The following NPHP3 variants were observed in gnomAD, a reference collection of about 807,000 sequenced individuals.
NPHP3 encodes the protein nephrocystin 3.
NPHP3 carries 123 observed loss-of-function variants against 171.9 expected under a neutral mutation model. That is an observed-to-expected ratio of 0.72 (90% CI 0.62 to 0.83). The LOEUF (loss-of-function observed/expected upper bound fraction) is 0.83. Among genes scored for constraint, NPHP3 ranks in the 40% least tolerant of loss-of-function variants. NPHP3 has a pLI of 0.00. For missense variants in NPHP3, 1,506 were observed against 1,591.9 expected, an observed-to-expected ratio of 0.95 and a Z score of 0.92; for synonymous variants, 558 against 579.2, an observed-to-expected ratio of 0.96 and a Z score of 0.52.
At chr3:132,687,031 C>T in intron 22 of NPHP3, 120 bp downstream of exon 22, 1 of 617,632 alleles carries the variant, frequency 1.6e-6, no homozygotes, top group East Asian at 2.9e-5. Flanking sequence ...TTAAGTAGTT[C>T]TCTTCTAAAA....
Position 132,699,337 on chromosome 3 carries a change from A to G in NPHP3, c.1985+16T>C. 1 of 1,552,384 alleles carries G rather than the reference A, an allele frequency of 6.4e-7. No homozygotes were observed. Among genetic ancestry groups the G allele is most frequent in the South Asian group, 1.1e-5 (1 of 89,752 alleles). ...ACATTTCATGTACTCTGAAAGAACT[A>G]AAGTTGGCATCGTACCTCCATGCTG... On this transcript the variant is annotated intron_variant, in intron 13 of 26. Transcript: ENST00000337331.
intron 9 of NPHP3, among the ~76,000 whole-genome samples, chr3:132,701,749 G>A (rs1291849126): frequency 2.0e-5 from 3 of 152,160 alleles, no homozygotes; most frequent in East Asian, 1.9e-4. Flanking sequence ...ATGGCTGGGC[G>A]CGGTGGCTCA....
At chr3:132,692,448 T>C (rs1041339881) in intron 17 of NPHP3, among the ~76,000 whole-genome samples, 2 of 152,242 alleles carry the variant, frequency 1.3e-5, no homozygotes, top group African/African-American at 4.8e-5. Context: ...TGTATTGTGG[T>C]AAGACCACTT....
chr3:132,687,730 T>C (rs1361545880), intron 21 of NPHP3, among the ~76,000 whole-genome samples: 1 of 152,252 alleles, frequency 6.6e-6, no homozygotes, highest in Non-Finnish European at 1.5e-5. Context: ...AATTCCATTA[T>C]GTATCACTTA....
At chr3:132,684,048 T>C (rs1266531196) in intron 24 of NPHP3, among the ~76,000 whole-genome samples, 2 of 152,234 alleles carry the variant, frequency 1.3e-5, no homozygotes, top group Non-Finnish European at 2.9e-5. Context: ...TTTTCTTTTT[T>C]GAGAACAGCT....
rs1939013769 is a variant in NPHP3, at chr3:132,681,084, GA to G, written c.*825del. 6.6e-6 allele frequency: 1 copy of G among 152,138 alleles called. No homozygotes were observed. The highest frequency in any genetic ancestry group is 1.5e-5 in the Non-Finnish European group (1 of 68,026). 9.4% of individuals were successfully genotyped at this position (152,138 alleles called of 1,614,324 possible). A position where few individuals can be genotyped will look rare whatever the true frequency, so the allele number is the denominator to read the frequency against. On this transcript the variant is annotated 3_prime_UTR_variant, in exon 27 of 27. Transcript: ENST00000337331. Reference sequence around the variant, plus strand: ...AATTTTTTAAAGTGCAGCAATCAGGGATTCTTGTGACTAATGTGTTTCACTG... The same window carrying G: ...AATTTTTTAAAGTGCAGCAATCAGGGTTCTTGTGACTAATGTGTTTCACTG...
Position 132,722,119 on chromosome 3 carries a change from C to A in NPHP3, c.237G>T (p.Ser79=). The change falls in exon 1 of 27, where the codon TCG becomes TCT. Residue 79 remains serine, a synonymous_variant. Coordinates refer to ENST00000337331, the MANE Select transcript of NPHP3 (RefSeq NM_153240.5). ...LLGASFKSTG[S]SVPELEYAAA... ...CCGCGTACTCCAGCTCTGGCACCGA[C>A]GAGCCAGTGGACTTGAAGCTGGCCC... is the stretch of plus-strand genomic sequence containing the variant. 6.2e-7 allele frequency: 1 copy of A among 1,603,376 alleles called. No homozygotes were observed. The highest frequency in any genetic ancestry group is 8.5e-7 in the Non-Finnish European group (1 of 1,179,032).
At chr3:132,718,066 C>A (rs777724058) in intron 3 of NPHP3, 31 of 453,404 alleles carry the variant, frequency 6.8e-5, no homozygotes, top group South Asian at 4.8e-4. Context: ...CATTTTTTTT[C>A]CTTAAAAGTT....
chr3:132,694,875 A>G lies in NPHP3; in HGVS notation c.2262T>C (p.Ser754=). The change falls in exon 16 of 27, where the codon TCT becomes TCC. Residue 754 remains serine (S), a synonymous_variant. Coordinates refer to ENST00000337331, the MANE Select transcript of NPHP3 (RefSeq NM_153240.5). The stretch of plus-strand genomic sequence containing the variant: ...CATCATTTGCCATGGACTCCCGGAT[A>G]GAGTGCAGAACAAGTCTATATAATG... The part of the protein sequence containing the change: ...TLSLYRLVLH[S]IRESMANDVD... The G allele has an allele frequency of 6.2e-7, 1 of 1,613,862 alleles. No individual in the cohort carries two copies. Among genetic ancestry groups the G allele is most frequent in the East Asian group, 2.2e-5 (1 of 44,840 alleles).
chr3:132,705,853 A>G, intron 7 of NPHP3, 39 bp from the exon 8 acceptor site: 1 of 1,100,936 alleles, frequency 9.1e-7, no homozygotes, highest in East Asian at 2.4e-5. Context: ...GAAAAACCAT[A>G]ATATCAGAAG....
Position 132,692,374 on chromosome 3 carries a change from T to C in NPHP3, c.2475+280A>G, listed in dbSNP as rs80257489. Among the ~76,000 whole-genome samples the C allele has an allele frequency of 4.6e-3, 706 of 152,350 alleles. 4 individuals carry two copies. Among genetic ancestry groups the C allele is most frequent in the African/African-American group, 0.016 (680 of 41,574 alleles). ...AAAGACTTTTTTTCTCTTCAAGAAA[T>C]AAACTACCTTTAAGAAACTTTTTTT... is the stretch of plus-strand genomic sequence containing the variant. On this transcript the variant is annotated intron_variant, in intron 17 of 26. Transcript: ENST00000337331.
Position 132,722,129 on chromosome 3 carries a change from G to A in NPHP3, c.227C>T (p.Ser76Phe). The A allele has an allele frequency of 6.2e-7, 1 of 1,604,106 alleles. No individual in the cohort carries two copies. Among genetic ancestry groups the A allele is most frequent in the Non-Finnish European group, 8.5e-7 (1 of 1,178,730 alleles). ...AGGLLGASFKSTGSSVPELEY... is the reference protein window; with the variant it reads ...AGGLLGASFKFTGSSVPELEY... ...CAGCTCTGGCACCGACGAGCCAGTG[G>A]ACTTGAAGCTGGCCCCCAGCAGCCC... Residue 76 changes from serine to phenylalanine, a missense_variant, in exon 1 of 27, where the codon TCC becomes TTC. This residue lies in a region of NPHP3 where 930 missense variants were observed against 924.9 expected (regional missense o/e 1.01). Coordinates refer to ENST00000337331, the MANE Select transcript of NPHP3 (RefSeq NM_153240.5).
intron 25 of NPHP3, 72 bp from the exon 26 acceptor site, chr3:132,682,890 C>G (rs1325126907): frequency 2.2e-6 from 2 of 912,458 alleles, no homozygotes; most frequent in Non-Finnish European, 3.7e-6. Context: ...CTAAGCTAAC[C>G]TACTTTGATT....
At chr3:132,690,431 G>T in intron 19 of NPHP3, 97 bp downstream of exon 19, 1 of 1,162,500 alleles carries the variant, frequency 8.6e-7, no homozygotes, top group South Asian at 1.3e-5. Context: ...CAGATACTTA[G>T]ACTAATTTTT....
chr3:132,706,909 T>G (rs1476009680), intron 7 of NPHP3, among the ~76,000 whole-genome samples: 1 of 152,230 alleles, frequency 6.6e-6, no homozygotes, highest in Admixed American at 6.5e-5. Context: ...AAAAATGCAC[T>G]TCCTTTTTGT....
chr3:132,710,678 C>A (rs12636883), intron 6 of NPHP3, among the ~76,000 whole-genome samples: 26,476 of 152,202 alleles, frequency 0.17, 2,940 homozygotes, highest in East Asian at 0.64. Context: ...CGGACTCACC[C>A]TATTTCAGTT....
At chr3:132,683,248 C>T (rs1939076419) in intron 25 of NPHP3, 151 bp downstream of exon 25, 9 of 749,518 alleles carry the variant, frequency 1.2e-5, no homozygotes, top group East Asian at 2.8e-5. Flanking sequence ...ACAAGTCTAA[C>T]TTCAATAGTT....
rs1245457915 is a variant in NPHP3 at position 132,704,193 on chromosome 3, C to T, written c.1524+5G>A. 25 of 1,613,902 alleles carry T rather than the reference C, an allele frequency of 1.5e-5. No homozygotes were observed. The highest frequency in any genetic ancestry group is 1.9e-5 in the Non-Finnish European group (22 of 1,179,872). ...CTTTGTTGCAATAATACTCCAAGCA[C>T]TTACTTTCTCAAATCCCAACTCATG... On this transcript the variant is annotated splice_donor_5th_base_variant and intron_variant, in intron 9 of 26. Coordinates refer to ENST00000337331, the MANE Select transcript of NPHP3 (RefSeq NM_153240.5).
intron 7 of NPHP3, 147 bp downstream of exon 7, chr3:132,707,954 C>T: frequency 1.4e-6 from 1 of 737,164 alleles, no homozygotes; most frequent in Admixed American, 2.4e-5. Flanking sequence ...GAGGCCCCCT[C>T]TCCTCCTACT....
Sources: gnomAD v4.1 joint callset for allele counts (sites outside exome capture counted in the v4.1 genomes callset) on GRCh38, gnomAD v4.1.1 for gene constraint, gnomAD v4.1.1 regional missense constraint, MANE v1.5 for transcripts, NCBI Gene and HGNC (gene_info 2026-07-23, HGNC 2026-07-21) for gene names.